MFGE8: variants seen among roughly 807,000 people sequenced by gnomAD.
MFGE8 encodes the protein lactadherin.
A neutral mutation model predicts 42.6 loss-of-function variants in MFGE8; 34 were observed. The ratio of observed to expected loss-of-function variants is 0.80; its 90% confidence interval spans 0.61 to 1.06. The LOEUF is 1.06. Among genes scored for constraint, MFGE8 ranks in the 50% least tolerant of loss-of-function variants. The pLI is 0.00. For missense variants in MFGE8, 510 were observed against 516.9 expected, an observed-to-expected ratio of 0.99 and a Z score of 0.13; for synonymous variants, 230 against 214.8, an observed-to-expected ratio of 1.07 and a Z score of -0.62.
intron 1 of MFGE8, 34 bp downstream of exon 1, chr15:88,913,213 G>T: frequency 6.7e-7 from 1 of 1,490,440 alleles, no homozygotes. Flanking sequence ...CGGGGAGGAG[G>T]GGCGAGGGGC....
In MFGE8 at chr15:88,905,003, T is replaced by C; in HGVS notation, c.685+754A>G. ...GCTGGGTTGAGCTGGGCTGAGACAA[T>C]TAATGTCTGTCAGCCCAAACCCGGC... On this transcript the variant is annotated intron_variant, in intron 5 of 7. Coordinates refer to ENST00000268150, the MANE Select transcript of MFGE8 (RefSeq NM_005928.4). This position sits in a 1 kb window ranked among gnomAD's most constrained non-coding sequence, Gnocchi z 6.6. The C allele has an allele frequency of 6.2e-6, 1 of 160,842 alleles. No individual in the cohort carries two copies. The highest frequency in any genetic ancestry group is 5.9e-5 in the Admixed American group (1 of 16,834). 10.0% of individuals were successfully genotyped at this position (160,842 alleles called of 1,614,324 possible). A position where few individuals can be genotyped will look rare whatever the true frequency, so the allele number is the denominator to read the frequency against.
intron 1 of MFGE8, chr15:88,912,508 G>A (rs1899012964): frequency 2.0e-6 from 2 of 985,308 alleles, no homozygotes; most frequent in Non-Finnish European, 2.4e-6. Flanking sequence ...CCCTCCCAGC[G>A]CTCCACGGTG....
intron 2 of MFGE8, among the ~76,000 whole-genome samples, chr15:88,907,646 G>A (rs1329996986): frequency 6.6e-6 from 1 of 151,916 alleles, no homozygotes; most frequent in Non-Finnish European, 1.5e-5. Flanking sequence ...GGCTGCCAGA[G>A]GATCCCAGCC....
Position 88,900,628 on chromosome 15 carries a change from C to T in MFGE8, c.871-817G>A, listed in dbSNP as rs1898317245. On this transcript the variant is annotated intron_variant, in intron 6 of 7. Transcript: ENST00000268150. The stretch of plus-strand genomic sequence containing the variant: ...CCAGCTGCACCTGGACACACAGTTC[C>T]CCAACATCCAGGTGTAAACCCAACT... 6.2e-6 allele frequency: 5 copies of T among 803,042 alleles called. No homozygotes were observed. In the South Asian group the frequency reaches 2.9e-4, roughly 46 times the overall value. 49.7% of individuals were successfully genotyped at this position (803,042 alleles called of 1,614,324 possible). A position where few individuals can be genotyped will look rare whatever the true frequency, so the allele number is the denominator to read the frequency against.
In MFGE8 at chr15:88,907,288, C is replaced by T. The variant is rs1389110853; in HGVS notation, c.294G>A (p.Leu98=). ...ASSVRVTFLG[L]QHWVPELARL... is the part of the protein sequence containing the mutation. ...GGGCCAGCTCCGGGACCCAATGCTG[C>T]AAACCCAAGAAGGTCACACGCACAG... The change falls in exon 3 of 8, where the codon TTG becomes TTA. Residue 98 remains leucine, a synonymous_variant. Coordinates refer to ENST00000268150, the MANE Select transcript of MFGE8 (RefSeq NM_005928.4). 5 of 1,614,214 alleles carry T rather than the reference C, an allele frequency of 3.1e-6. No individual in the cohort carries two copies. In the African/African-American group the frequency reaches 5.3e-5, roughly 17 times the overall value.
At position 88,905,539 on chromosome 15, in the gene MFGE8, T is replaced by TCA. The variant is rs1337228508; in HGVS notation, c.685+216_685+217dup. The TCA allele has an allele frequency of 1.4e-6, 1 of 705,498 alleles. No individual in the cohort carries two copies. The highest frequency in any genetic ancestry group is 1.7e-5 in the African/African-American group (1 of 57,294). 43.7% of individuals were successfully genotyped at this position (705,498 alleles called of 1,614,324 possible). ...AAACTGATGTCTTTTTCTCTATCAATCAGAATGCCCTGGGTCATGGGTTGG... is the reference window on the plus strand; with the variant it reads ...AAACTGATGTCTTTTTCTCTATCAATCACAGAATGCCCTGGGTCATGGGTTGG... On this transcript the variant is annotated intron_variant, in intron 5 of 7. Coordinates refer to ENST00000268150, the MANE Select transcript of MFGE8 (RefSeq NM_005928.4). The surrounding 1 kb of genome is among the most constrained non-coding windows in gnomAD (Gnocchi z 6.6).
rs1898466015 is a variant in MFGE8 at position 88,902,165 on chromosome 15, G to A, written c.686-430C>T. ...CGCCTCGGCCTCCCATCCGTCCCAT[G>A]GCACAGTCACTATCTACTTTAATAA... On this transcript the variant is annotated intron_variant, in intron 5 of 7. Transcript: ENST00000268150. The surrounding 1 kb of genome is among the most constrained non-coding windows in gnomAD (Gnocchi z 4.3). 4.5e-6 allele frequency: 1 copy of A among 221,184 alleles called. No individual in the cohort carries two copies. The highest frequency in any genetic ancestry group is 5.1e-5 in the Admixed American group (1 of 19,732). The allele number at this position is 221,184 out of a possible 1,614,324, so 13.7% of individuals were successfully genotyped here.
chr15:88,912,004 G>T, intron 1 of MFGE8: 1 of 701,608 alleles, frequency 1.4e-6, no homozygotes. Flanking sequence ...ACAGAGGCTT[G>T]GGTTGGGAAT....
chr15:88,907,449 A>C lies in MFGE8; in HGVS notation c.206-73T>G, dbSNP rs115866083. ...GGGCCCAGCTGGGACCCAGCGGACA[A>C]GAAAATAAGACTGTATGACCTCTGC... On this transcript the variant is annotated intron_variant, in intron 2 of 7. Transcript: ENST00000268150. 7.8e-5 allele frequency: 108 copies of C among 1,391,438 alleles called. No individual in the cohort carries two copies. In the African/African-American group the frequency reaches 1.4e-3, roughly 19 times the overall value. The allele number at this position is 1,391,438 out of a possible 1,614,324, so 86.2% of individuals were successfully genotyped here.
At position 88,905,619 on chromosome 15, in the gene MFGE8, G is replaced by A. The variant is rs748253325; in HGVS notation, c.685+138C>T. ...ATGGCCAGGTGACCCCCTAGAGTGC[G>A]TTGCCCGAGTGAAGCCTGGTCCCCG... On this transcript the variant is annotated intron_variant, in intron 5 of 7. Transcript: ENST00000268150. This position sits in a 1 kb window ranked among gnomAD's most constrained non-coding sequence, Gnocchi z 6.6. The A allele has an allele frequency of 3.0e-5, 36 of 1,199,714 alleles. No homozygotes were observed. The highest frequency in any genetic ancestry group is 1.3e-4 in the Admixed American group (7 of 53,062). The allele number at this position is 1,199,714 out of a possible 1,614,324, so 74.3% of individuals were successfully genotyped here.
rs541774098 is a variant in MFGE8 at position 88,901,680 on chromosome 15, C to T, written c.741G>A (p.Thr247=). The T allele has an allele frequency of 6.5e-5, 105 of 1,613,766 alleles. No individual in the cohort carries two copies. Among genetic ancestry groups the T allele is most frequent in the Non-Finnish European group, 8.5e-5 (100 of 1,179,976 alleles). The part of the protein sequence containing the change: ...KNNSIPDKQI[T]ASSSYKTWGL... ...CCCAGGTCTTGTAGCTGCTGGAGGC[C>T]GTGATCTGCTTGTCAGGGATGCTGT... Residue 247 remains threonine (T), a synonymous_variant, in exon 6 of 8, where the codon ACG becomes ACA. Coordinates refer to ENST00000268150, the MANE Select transcript of MFGE8 (RefSeq NM_005928.4).
chr15:88,902,803 T>C lies in MFGE8; in HGVS notation c.686-1068A>G, dbSNP rs756678035. On this transcript the variant is annotated intron_variant, in intron 5 of 7. Transcript: ENST00000268150. This position sits in a 1 kb window ranked among gnomAD's most constrained non-coding sequence, Gnocchi z 4.3. ...CTCACTCCACAAGTGTCTATCCCTC[T>C]GGGGAATTGAGGGAGGCAGGAGTGG... The C allele has an allele frequency of 2.6e-5, 4 of 152,180 alleles. No individual in the cohort carries two copies. The highest frequency in any genetic ancestry group is 5.9e-5 in the Non-Finnish European group (4 of 68,042). The allele number at this position is 152,180 out of a possible 1,614,324, so 9.4% of individuals were successfully genotyped here.
At chr15:88,912,737 C>T in intron 1 of MFGE8, 1 of 985,412 alleles carries the variant, frequency 1.0e-6, no homozygotes, top group Non-Finnish European at 1.2e-6. Flanking sequence ...GTCCATTGCA[C>T]CGACTCCCCG....
Position 88,899,904 on chromosome 15 carries a change from A to G in MFGE8, c.871-93T>C. On this transcript the variant is annotated intron_variant, in intron 6 of 7. Transcript: ENST00000268150. The surrounding 1 kb of genome is among the most constrained non-coding windows in gnomAD (Gnocchi z 6.8). ...CACTGAGGCATGAATTCTAGTTTTGAAAAAAACTACTTGGGTGAGCCTCAG... is the reference window on the plus strand; with the variant it reads ...CACTGAGGCATGAATTCTAGTTTTGGAAAAAACTACTTGGGTGAGCCTCAG... 6.8e-7 allele frequency: 1 copy of G among 1,468,594 alleles called. No homozygotes were observed. The highest frequency in any genetic ancestry group is 2.4e-5 in the East Asian group (1 of 42,426). The allele number at this position is 1,468,594 out of a possible 1,614,324, so 91.0% of individuals were successfully genotyped here. A position where few individuals can be genotyped will look rare whatever the true frequency, so the allele number is the denominator to read the frequency against.
intron 5 of MFGE8, chr15:88,904,387 T>G (rs1898570205): frequency 6.6e-6 from 1 of 151,550 alleles, no homozygotes; most frequent in South Asian, 2.1e-4. Context: ...GCACCAACAC[T>G]CTCCAGCCGA....
chr15:88,899,683 G>T lies in MFGE8; in HGVS notation c.999C>A (p.Tyr333Ter), dbSNP rs748609199. ...YSNDSANWTEYQDPRTGSSKI... is the reference protein window; with the variant it reads ...YSNDSANWTE ...TACTGCTGCCAGTCCTGGGGTCCTG[G>T]TACTCAGTCCAGTTCGCACTGTCAT... Residue 333 changes from tyrosine to a stop codon, truncating the protein, a stop_gained, in exon 7 of 8, where the codon TAC becomes TAA. Transcript: ENST00000268150. LOFTEE classifies it low-confidence loss of function (END_TRUNC). This position sits in a 1 kb window ranked among gnomAD's most constrained non-coding sequence, Gnocchi z 6.8. 3.1e-6 allele frequency: 5 copies of T among 1,614,182 alleles called. No homozygotes were observed. In the South Asian group the frequency reaches 4.4e-5, roughly 14 times the overall value.
intron 1 of MFGE8, chr15:88,912,535 C>G: frequency 1.0e-6 from 1 of 985,392 alleles, no homozygotes; most frequent in Non-Finnish European, 1.2e-6. Flanking sequence ...ACGGGGCATC[C>G]GCAAGTCCAG....
intron 5 of MFGE8, 191 bp from the exon 6 acceptor site, chr15:88,901,926 C>A: frequency 1.6e-6 from 1 of 631,704 alleles, no homozygotes. Flanking sequence ...CCCACCACCT[C>A]CTCACCTCAA....
At position 88,903,026 on chromosome 15, in the gene MFGE8, A is replaced by C. The variant is rs1898504350; in HGVS notation, c.686-1291T>G. The C allele has an allele frequency of 6.6e-6, 1 of 152,220 alleles. No individual in the cohort carries two copies. Among genetic ancestry groups the C allele is most frequent in the South Asian group, 2.1e-4 (1 of 4,822 alleles). The allele number at this position is 152,220 out of a possible 1,614,324, so 9.4% of individuals were successfully genotyped here. On this transcript the variant is annotated intron_variant, in intron 5 of 7. Transcript: ENST00000268150. The surrounding 1 kb of genome is among the most constrained non-coding windows in gnomAD (Gnocchi z 4.9). ...ATGGTACCATCATCTCCTGATGGTGATGCACCAGGGAACCACCACCTTCCC... is the reference window on the plus strand; with the variant it reads ...ATGGTACCATCATCTCCTGATGGTGCTGCACCAGGGAACCACCACCTTCCC...
Sources: gnomAD v4.1 joint callset for allele counts (sites outside exome capture counted in the v4.1 genomes callset) on GRCh38, gnomAD v4.1.1 for gene constraint, Gnocchi (gnomAD v3.1) non-coding constraint, MANE v1.5 for transcripts, NCBI Gene and HGNC (gene_info 2026-07-23, HGNC 2026-07-21) for gene names.